NDST3: variants seen among roughly 807,000 people sequenced by gnomAD.
NDST3 encodes the protein N-deacetylase and N-sulfotransferase 3, also known as bifunctional heparan sulfate N-deacetylase/N-sulfotransferase 3.
In NDST3, 58 loss-of-function variants were observed where a neutral mutation model predicts 96.1. That is an observed-to-expected ratio of 0.60 (90% CI 0.49 to 0.75). The LOEUF is 0.75. Among genes scored for constraint, NDST3 ranks in the 30% least tolerant of loss-of-function variants. NDST3 has a pLI of 0.00. For synonymous variants in NDST3, 333 were observed against 359.7 expected, an observed-to-expected ratio of 0.93 and a Z score of 0.84; for missense variants, 788 against 1,034.2, an observed-to-expected ratio of 0.76 and a Z score of 3.27.
chr4:118,127,390 A>C (rs1361006375), intron 4 of NDST3, among the ~76,000 whole-genome samples: 4 of 152,058 alleles, frequency 2.6e-5, no homozygotes, highest in African/African-American at 9.7e-5. Context: ...ACAGGGGTTC[A>C]GCTTAATTTT....
chr4:118,214,995 G>C (rs1048368239), intron 6 of NDST3, among the ~76,000 whole-genome samples: 1 of 152,126 alleles, frequency 6.6e-6, no homozygotes, highest in Non-Finnish European at 1.5e-5. Context: ...AAGCAGATGA[G>C]GTCCCTGCTC....
Position 118,226,862 on chromosome 4 carries a change from T to A in NDST3, c.1723-24T>A, listed in dbSNP as rs1381997870. The stretch of plus-strand genomic sequence containing the variant: ...GGACACATTCATGAAAAAAAATACA[T>A]CTCTATGTTCTTCTCCCATTTAGAA... On this transcript the variant is annotated intron_variant, in intron 7 of 13. Coordinates refer to ENST00000296499, the MANE Select transcript of NDST3 (RefSeq NM_004784.3). 8 of 1,544,674 alleles carry A rather than the reference T, an allele frequency of 5.2e-6. No homozygotes were observed. In the Admixed American group the frequency reaches 1.4e-4, roughly 28 times the overall value.
chr4:118,105,310 T>C (rs1730081467), intron 3 of NDST3, among the ~76,000 whole-genome samples: 1 of 152,180 alleles, frequency 6.6e-6, no homozygotes, highest in Admixed American at 6.5e-5. Context: ...TGGCCTTTCA[T>C]TTTTATTGAA....
chr4:118,255,868 AG>A lies in NDST3; in HGVS notation c.*157del, dbSNP rs796129731. On this transcript the variant is annotated 3_prime_UTR_variant, in exon 14 of 14. Coordinates refer to ENST00000296499, the MANE Select transcript of NDST3 (RefSeq NM_004784.3). ...CTGGCACGTGGATGATTAGAAAAAA[AG>A]AAAAAGTATGTGTTACAAGCCTTGA... 11 of 876,324 alleles carry A rather than the reference AG, an allele frequency of 1.3e-5. No individual in the cohort carries two copies. In the African/African-American group the frequency reaches 1.5e-4, roughly 12 times the overall value. The allele number at this position is 876,324 out of a possible 1,614,324, so 54.3% of individuals were successfully genotyped here.
intron 4 of NDST3, among the ~76,000 whole-genome samples, chr4:118,126,519 T>TATATATATATATACAC (rs1560661855): frequency 3.4e-5 from 1 of 29,272 alleles, no homozygotes; most frequent in African/African-American, 6.7e-5. Context: ...TATGTGTATA[T>TATATATATATATACAC]ATATATATAT....
intron 6 of NDST3, chr4:118,193,396 G>A (rs1737443102): frequency 1.6e-6 from 1 of 627,440 alleles, no homozygotes; most frequent in Non-Finnish European, 2.6e-6. Context: ...TAGGGCTGGT[G>A]GAGAGGGGCT....
At chr4:118,195,826 G>A (rs1424510240) in intron 6 of NDST3, among the ~76,000 whole-genome samples, 1 of 152,126 alleles carries the variant, frequency 6.6e-6, no homozygotes, top group African/African-American at 2.4e-5. Flanking sequence ...TTTCCAGTTG[G>A]ATGCCCTTTA....
chr4:118,133,201 T>A (rs1732782572), intron 4 of NDST3, among the ~76,000 whole-genome samples: 1 of 152,210 alleles, frequency 6.6e-6, no homozygotes. Context: ...TAGAGCATGT[T>A]GGCCCATGGT....
intron 4 of NDST3, among the ~76,000 whole-genome samples, chr4:118,121,166 G>A (rs893279211): frequency 6.6e-6 from 1 of 152,016 alleles, no homozygotes; most frequent in East Asian, 1.9e-4. Context: ...TCCTAGCTTT[G>A]TGTAATCCCT....
chr4:118,208,049 T>C (rs1363307239), intron 6 of NDST3, among the ~76,000 whole-genome samples: 1 of 144,676 alleles, frequency 6.9e-6, no homozygotes, highest in Non-Finnish European at 1.5e-5. Context: ...TAAGATAATT[T>C]ACTTTCAGAA....
At chr4:118,216,033 G>A (rs1739174320) in intron 6 of NDST3, among the ~76,000 whole-genome samples, 2 of 152,098 alleles carry the variant, frequency 1.3e-5, no homozygotes, top group African/African-American at 4.8e-5. Flanking sequence ...ATATGCTTAT[G>A]CGCTATGAAT....
intron 5 of NDST3, among the ~76,000 whole-genome samples, chr4:118,138,715 A>G (rs535068117): frequency 1.1e-4 from 17 of 152,334 alleles, no homozygotes; most frequent in African/African-American, 4.1e-4. Flanking sequence ...TTAACATATA[A>G]TAATATAGAG....
In NDST3 at chr4:118,258,467, A is replaced by C. The variant is rs1054361328; in HGVS notation, c.*2755A>C. The stretch of plus-strand genomic sequence containing the variant: ...TATGAAACTTCCTCAGGAAGAAATG[A>C]AATGGTTATTTCAATGTTTATAGCT... On this transcript the variant is annotated 3_prime_UTR_variant, in exon 14 of 14. Coordinates refer to ENST00000296499, the MANE Select transcript of NDST3 (RefSeq NM_004784.3). 6.6e-6 allele frequency: 1 copy of C among 152,230 alleles called. No homozygotes were observed. The highest frequency in any genetic ancestry group is 1.5e-5 in the Non-Finnish European group (1 of 68,032). The allele number at this position is 152,230 out of a possible 1,614,324, so 9.4% of individuals were successfully genotyped here.
At chr4:118,205,466 A>C (rs1452019556) in intron 6 of NDST3, among the ~76,000 whole-genome samples, 1 of 144,370 alleles carries the variant, frequency 6.9e-6, no homozygotes, top group Non-Finnish European at 1.5e-5. Flanking sequence ...TGCTTATCTC[A>C]TTGTGCTCTA....
chr4:118,196,457 T>G (rs1203909478), intron 6 of NDST3, among the ~76,000 whole-genome samples: 1 of 152,186 alleles, frequency 6.6e-6, no homozygotes, highest in East Asian at 1.9e-4. Context: ...CATAATTCAG[T>G]ATTGAAGTCA....
intron 1 of NDST3, among the ~76,000 whole-genome samples, chr4:118,040,353 G>C (rs1181788887): frequency 1.3e-5 from 2 of 151,816 alleles, no homozygotes; most frequent in East Asian, 1.9e-4. Flanking sequence ...TGAAAACCAA[G>C]AAGTATATGA....
At chr4:118,123,961 T>C (rs1731826135) in intron 4 of NDST3, among the ~76,000 whole-genome samples, 1 of 152,140 alleles carries the variant, frequency 6.6e-6, no homozygotes. Context: ...AGCTTAACTT[T>C]TGTTACTGGA....
At position 118,160,643 on chromosome 4, in the gene NDST3, T is replaced by A. The variant is rs139940128; in HGVS notation, c.1539+16959T>A. 3.3e-3 allele frequency among the ~76,000 whole-genome samples: 503 copies of A among 152,310 alleles called. 2 individuals are homozygous for A. Among genetic ancestry groups the A allele is most frequent in the African/African-American group, 0.012 (487 of 41,586 alleles). On this transcript the variant is annotated intron_variant, in intron 6 of 13. Coordinates refer to ENST00000296499, the MANE Select transcript of NDST3 (RefSeq NM_004784.3). ...TTTCATCTTCCATCACTAATATCCT[T>A]TCCTCCAGTTGATCGCATCGGCTCC... is the stretch of plus-strand genomic sequence containing the variant.
intron 4 of NDST3, among the ~76,000 whole-genome samples, chr4:118,132,712 C>T (rs372910188): frequency 1.2e-4 from 18 of 152,326 alleles, no homozygotes; most frequent in African/African-American, 4.1e-4. Context: ...CCAAGGCTCA[C>T]AGCATACTCC....
Sources: gnomAD v4.1 joint callset for allele counts (sites outside exome capture counted in the v4.1 genomes callset) on GRCh38, gnomAD v4.1.1 for gene constraint, MANE v1.5 for transcripts, NCBI Gene and HGNC (gene_info 2026-07-23, HGNC 2026-07-21) for gene names.